CADM2: variants seen among roughly 807,000 people sequenced by gnomAD.
CADM2 encodes the protein immunoglobulin superfamily member 4D.
In CADM2, 12 loss-of-function variants were observed where a neutral mutation model predicts 49.8. The observed-to-expected ratio is 0.24, with a 90% CI of 0.15 to 0.39. The LOEUF is 0.39. Among genes scored for constraint, CADM2 ranks in the 10% least tolerant of loss-of-function variants. The pLI is 1.00. For missense variants in CADM2, 378 were observed against 492.3 expected (o/e 0.77, Z 2.20); for synonymous variants, 214 against 175.4 (o/e 1.22, Z -1.74).
chr3:85,114,436 G>A (rs542140607), intron 1 of CADM2, among the ~76,000 whole-genome samples: 1 of 152,124 alleles, frequency 6.6e-6, no homozygotes, highest in South Asian at 2.1e-4. Flanking sequence ...CAGGTCATTA[G>A]AAAAATTAGG....
At chr3:85,637,461 G>C (rs1411032423) in intron 1 of CADM2, among the ~76,000 whole-genome samples, 1 of 148,328 alleles carries the variant, frequency 6.7e-6, no homozygotes, top group African/African-American at 2.5e-5. Context: ...AATTAGCTGG[G>C]CGCGGTGGCG....
At chr3:85,050,356 T>C (rs1337425955) in intron 1 of CADM2, among the ~76,000 whole-genome samples, 1 of 151,956 alleles carries the variant, frequency 6.6e-6, no homozygotes, top group Admixed American at 6.6e-5. Flanking sequence ...GAAAATACCA[T>C]AAAATAATCA....
rs149780046 is a variant in CADM2 at position 85,771,081 on chromosome 3, T to C, written c.89-30966T>C. ...TATGGATTAAGACAGTCCTCTTATT[T>C]TTAAGAATTAGAAAACAATAACTCT... On this transcript the variant is annotated intron_variant, in intron 2 of 9. Coordinates refer to ENST00000383699, the MANE Select transcript of CADM2 (RefSeq NM_001167675.2). Among the ~76,000 whole-genome samples the C allele has an allele frequency of 4.8e-3, 724 of 152,240 alleles. 5 individuals carry two copies. Among genetic ancestry groups the C allele is most frequent in the East Asian group, 0.021 (109 of 5,176 alleles).
chr3:85,053,278 T>C (rs1279407201), intron 1 of CADM2, among the ~76,000 whole-genome samples: 3 of 152,154 alleles, frequency 2.0e-5, no homozygotes, highest in South Asian at 2.1e-4. Flanking sequence ...TGAATAAGAA[T>C]ATAATACACT....
chr3:85,115,193 G>A (rs1303815762), intron 1 of CADM2, among the ~76,000 whole-genome samples: 2 of 151,996 alleles, frequency 1.3e-5, no homozygotes, highest in African/African-American at 4.8e-5. Context: ...ACCCTACAAG[G>A]TCTGATCTAC....
At chr3:85,522,995 A>G (rs77419591) in intron 1 of CADM2, among the ~76,000 whole-genome samples, 1 of 102,350 alleles carries the variant, frequency 9.8e-6, no homozygotes, top group Non-Finnish European at 2.5e-5. Context: ...TTTTCCAAGA[A>G]AAAAAAAAAA....
At chr3:85,647,233 T>A (rs2064914796) in intron 1 of CADM2, among the ~76,000 whole-genome samples, 1 of 151,846 alleles carries the variant, frequency 6.6e-6, no homozygotes, top group African/African-American at 2.4e-5. Context: ...TTTATTCAAA[T>A]TTATACCACA....
intron 1 of CADM2, among the ~76,000 whole-genome samples, chr3:85,580,362 G>A (rs547093103): frequency 1.3e-5 from 2 of 151,910 alleles, no homozygotes; most frequent in African/African-American, 2.4e-5. Context: ...TAACCTTTCC[G>A]ATGCATCTTA....
At chr3:85,692,119 G>A (rs1324557899) in intron 1 of CADM2, among the ~76,000 whole-genome samples, 1 of 152,066 alleles carries the variant, frequency 6.6e-6, no homozygotes, top group Non-Finnish European at 1.5e-5. Flanking sequence ...AAAACTTAAA[G>A]TATAATTAAA....
At chr3:85,830,905 T>C (rs1342939040) in intron 3 of CADM2, among the ~76,000 whole-genome samples, 4 of 151,558 alleles carry the variant, frequency 2.6e-5, no homozygotes, top group African/African-American at 9.7e-5. Context: ...AATTGCATGC[T>C]GCTCAGGCTT....
chr3:85,741,196 C>T (rs917488770), intron 2 of CADM2, among the ~76,000 whole-genome samples: 3 of 152,068 alleles, frequency 2.0e-5, no homozygotes, highest in South Asian at 2.1e-4. Context: ...TAGATATCAT[C>T]TTCTATTTCA....
At chr3:85,133,748 C>G (rs2039313426) in intron 1 of CADM2, among the ~76,000 whole-genome samples, 1 of 152,242 alleles carries the variant, frequency 6.6e-6, no homozygotes, top group Non-Finnish European at 1.5e-5. Context: ...CTGAGCTAGA[C>G]ATAAAGGTTC....
intron 1 of CADM2, among the ~76,000 whole-genome samples, chr3:85,433,266 T>C (rs2036770382): frequency 6.6e-6 from 1 of 152,152 alleles, no homozygotes; most frequent in South Asian, 2.1e-4. Flanking sequence ...TCAAATGACC[T>C]GCATAAATTG....
intron 1 of CADM2, among the ~76,000 whole-genome samples, chr3:85,501,459 A>G (rs1426812985): frequency 5.3e-5 from 8 of 152,204 alleles, no homozygotes; most frequent in Non-Finnish European, 1.2e-4. Context: ...GAGATGAAAT[A>G]GTATTATCAA....
intron 1 of CADM2, among the ~76,000 whole-genome samples, chr3:85,679,182 G>A (rs981672309): frequency 2.6e-5 from 4 of 152,042 alleles, no homozygotes; most frequent in African/African-American, 9.7e-5. Flanking sequence ...TAAAACTGGA[G>A]GGATCAATTT....
intron 1 of CADM2, among the ~76,000 whole-genome samples, chr3:85,613,125 G>T (rs2063718611): frequency 6.6e-6 from 1 of 151,708 alleles, no homozygotes; most frequent in Non-Finnish European, 1.5e-5. Flanking sequence ...GATGTGAAAA[G>T]CTCTTTTCTA....
intron 1 of CADM2, among the ~76,000 whole-genome samples, chr3:85,352,800 A>G (rs562273184): frequency 1.3e-5 from 2 of 152,082 alleles, no homozygotes; most frequent in Non-Finnish European, 2.9e-5. Context: ...TTTTCAAATG[A>G]TTTTTTAGTC....
chr3:85,494,683 A>G lies in CADM2; in HGVS notation c.62-231839A>G, dbSNP rs548769180. Among the ~76,000 whole-genome samples the G allele has an allele frequency of 3.9e-5, 6 of 152,334 alleles. No individual in the cohort carries two copies. In the East Asian group the frequency reaches 7.7e-4, roughly 20 times the overall value. On this transcript the variant is annotated intron_variant, in intron 1 of 9. Coordinates refer to ENST00000383699, the MANE Select transcript of CADM2 (RefSeq NM_001167675.2). ...TAAGCCATCATTTCCATTGAGGACTATATTGACATACAGCATTATTTTAAT... is the reference window on the plus strand; with the variant it reads ...TAAGCCATCATTTCCATTGAGGACTGTATTGACATACAGCATTATTTTAAT...
chr3:85,689,182 A>G (rs1664244977), intron 1 of CADM2, among the ~76,000 whole-genome samples: 1 of 152,220 alleles, frequency 6.6e-6, no homozygotes, highest in East Asian at 1.9e-4. Context: ...TTGTATGAAT[A>G]TATTTATAAA....
Sources: gnomAD v4.1 joint callset for allele counts (sites outside exome capture counted in the v4.1 genomes callset) on GRCh38, gnomAD v4.1.1 for gene constraint, MANE v1.5 for transcripts, NCBI Gene and HGNC (gene_info 2026-07-23, HGNC 2026-07-21) for gene names.